Variants in PRKCQ observed in about 807,000 individuals in gnomAD.
PRKCQ encodes protein kinase C theta type.
A neutral mutation model predicts 91.2 loss-of-function variants in PRKCQ; 41 were observed. The observed-to-expected ratio is 0.45, with a 90% CI of 0.35 to 0.58. PRKCQ has a LOEUF of 0.58. PRKCQ is among the 20% of genes least tolerant of loss of function. The pLI, the probability that PRKCQ is intolerant of heterozygous loss-of-function variation, is 0.00. For synonymous variants in PRKCQ, 307 were observed against 316.9 expected (o/e 0.97, Z 0.33); for missense variants, 673 against 896.5 (o/e 0.75, Z 3.18).
intron 1 of PRKCQ, among the ~76,000 whole-genome samples, chr10:6,531,168 G>A (rs1447570107): frequency 6.6e-6 from 1 of 151,684 alleles, no homozygotes; most frequent in Non-Finnish European, 1.5e-5. Flanking sequence ...GCTCTGGGGT[G>A]AGGATGGAGC....
intron 17 of PRKCQ, among the ~76,000 whole-genome samples, chr10:6,428,745 G>T (rs1313636000): frequency 6.6e-6 from 1 of 152,166 alleles, no homozygotes; most frequent in African/African-American, 2.4e-5. Flanking sequence ...GGGTGGTGGG[G>T]AGAGGGAGTG....
chr10:6,461,986 GA>G (rs1835373980), intron 14 of PRKCQ, among the ~76,000 whole-genome samples: 1 of 152,222 alleles, frequency 6.6e-6, no homozygotes, highest in South Asian at 2.1e-4. Flanking sequence ...GGGGACAAAA[GA>G]GAAAGAAACC....
chr10:6,544,956 T>C (rs1188273690), intron 1 of PRKCQ, among the ~76,000 whole-genome samples: 30 of 149,670 alleles, frequency 2.0e-4, no homozygotes, highest in Non-Finnish European at 1.5e-5. Flanking sequence ...TTTTCCTGAG[T>C]GACAAAGTCT....
chr10:6,524,163 A>G (rs562741321), intron 1 of PRKCQ, among the ~76,000 whole-genome samples: 11 of 152,286 alleles, frequency 7.2e-5, no homozygotes, highest in Admixed American at 7.2e-4. Flanking sequence ...AAAAAATCCT[A>G]TGAGAAAGAG....
chr10:6,406,527 T>C, the PRKCQ span, among the ~76,000 whole-genome samples: 1 of 152,200 alleles, frequency 6.6e-6, no homozygotes, highest in Non-Finnish European at 1.5e-5. Flanking sequence ...TAAATTACTT[T>C]CCCAGTTTAT....
chr10:6,428,267 G>A lies in PRKCQ; in HGVS notation c.2061C>T (p.Asp687=), dbSNP rs1399313434. ...AGGAAAAGTTCCTGAACATATTCTG[G>A]TCCATGCTGTTGATCAGTGCTCTGT... The part of the protein sequence containing the change: ...FADRALINSM[D]QNMFRNFSFM... Residue 687 remains aspartate, a synonymous_variant, in exon 18 of 18, where the codon GAC becomes GAT. Coordinates refer to ENST00000263125, the MANE Select transcript of PRKCQ (RefSeq NM_006257.5). The A allele has an allele frequency of 6.2e-7, 1 of 1,614,060 alleles. No homozygotes were observed. The highest frequency in any genetic ancestry group is 1.3e-5 in the African/African-American group (1 of 74,900).
rs117734297 is a variant in PRKCQ at position 6,570,523 on chromosome 10, G to A, written c.-10+9688C>T. ...AAATGGATTCCAGGGCCCCAGGGGA[G>A]GTGAGCCTCAGACAGGAACTAAGGG... is the stretch of plus-strand genomic sequence containing the variant. On this transcript the variant is annotated intron_variant, in intron 1 of 17. Transcript: ENST00000263125. 2.1e-3 allele frequency among the ~76,000 whole-genome samples: 321 copies of A among 151,684 alleles called. 3 individuals carry two copies. The East Asian group carries it at 0.036, about 17-fold the overall frequency.
At chr10:6,438,895 G>A (rs1470916842) in intron 16 of PRKCQ, among the ~76,000 whole-genome samples, 2 of 152,342 alleles carry the variant, frequency 1.3e-5, no homozygotes, top group Middle Eastern at 3.4e-3. Context: ...ACCACACCCA[G>A]CCTAGATGTG....
the PRKCQ span, among the ~76,000 whole-genome samples, chr10:6,407,624 G>A: frequency 2.0e-5 from 3 of 150,258 alleles, no homozygotes; most frequent in African/African-American, 4.8e-5. This position sits in a 1 kb window ranked among gnomAD's most constrained non-coding sequence, Gnocchi z 4.0. Context: ...TGTGGTGTTC[G>A]CATATATGAT....
downstream of PRKCQ, among the ~76,000 whole-genome samples, chr10:6,423,052 C>A (rs1833042507): frequency 6.6e-6 from 1 of 152,106 alleles, no homozygotes; most frequent in African/African-American, 2.4e-5. Context: ...TTTCAGAGGA[C>A]AAATAGAGGT....
intron 4 of PRKCQ, 115 bp downstream of exon 4, chr10:6,507,321 G>T: frequency 9.8e-7 from 1 of 1,022,884 alleles, no homozygotes; most frequent in Non-Finnish European, 1.5e-6. Context: ...ACAATTTTGT[G>T]CCTCTCTTTT....
intron 16 of PRKCQ, among the ~76,000 whole-genome samples, chr10:6,439,527 C>T (rs979163476): frequency 1.3e-5 from 2 of 152,044 alleles, no homozygotes; most frequent in African/African-American, 2.4e-5. Context: ...GCCTCCCTTC[C>T]ACCTCCTCCA....
chr10:6,481,434 A>T (rs530386042), intron 11 of PRKCQ, among the ~76,000 whole-genome samples: 9 of 152,380 alleles, frequency 5.9e-5, no homozygotes, highest in South Asian at 2.1e-4. Flanking sequence ...ATAATTGCAC[A>T]TTAATTGCTG....
At chr10:6,548,795 A>C (rs564883694) in intron 1 of PRKCQ, among the ~76,000 whole-genome samples, 2 of 151,948 alleles carry the variant, frequency 1.3e-5, no homozygotes, top group African/African-American at 4.8e-5. Context: ...ATGACCAGTT[A>C]ATGGGTGCAG....
chr10:6,508,354 C>T lies in PRKCQ; in HGVS notation c.319-858G>A, dbSNP rs984469727. On this transcript the variant is annotated intron_variant, in intron 3 of 17. Coordinates refer to ENST00000263125, the MANE Select transcript of PRKCQ (RefSeq NM_006257.5). Reference sequence around the variant, plus strand: ...ATGTCCATGGGTTATCCACGTGAGCCGGAGTAACTAAGAAATAGCAAGTAA... The same window carrying T: ...ATGTCCATGGGTTATCCACGTGAGCTGGAGTAACTAAGAAATAGCAAGTAA... Among the ~76,000 whole-genome samples the T allele has an allele frequency of 5.9e-5, 9 of 152,238 alleles. No homozygotes were observed. In the East Asian group the frequency reaches 9.7e-4, roughly 16 times the overall value.
intron 1 of PRKCQ, among the ~76,000 whole-genome samples, chr10:6,551,329 T>C: frequency 6.6e-6 from 1 of 152,192 alleles, no homozygotes; most frequent in East Asian, 1.9e-4. Context: ...GCAAAAGTCC[T>C]GGTCTCATGC....
At chr10:6,439,473 A>G (rs1240073738) in intron 16 of PRKCQ, among the ~76,000 whole-genome samples, 3 of 151,762 alleles carry the variant, frequency 2.0e-5, no homozygotes, top group Non-Finnish European at 4.4e-5. Context: ...ACTAATATGT[A>G]GATTTTTTCA....
At chr10:6,448,498 TC>T (rs1834450602) in intron 15 of PRKCQ, among the ~76,000 whole-genome samples, 1 of 151,988 alleles carries the variant, frequency 6.6e-6, no homozygotes, top group Non-Finnish European at 1.5e-5. Context: ...AACCTCCGCC[TC>T]CCGGGTTCAG....
At chr10:6,525,679 C>T (rs1353855962) in intron 1 of PRKCQ, among the ~76,000 whole-genome samples, 1 of 152,220 alleles carries the variant, frequency 6.6e-6, no homozygotes. Context: ...GACACTCTTA[C>T]TCTAAGTCCA....
Sources: allele counts gnomAD v4.1 joint callset (sites outside exome capture counted in the v4.1 genomes callset), GRCh38; gene constraint gnomAD v4.1.1; non-coding constraint Gnocchi (gnomAD v3.1); transcripts MANE v1.5; gene names NCBI Gene and HGNC (gene_info 2026-07-23, HGNC 2026-07-21).